Variants in LMBRD1 observed in about 807,000 individuals in gnomAD.
LMBRD1 encodes the protein lysosomal cobalamin transport escort protein LMBD1.
In LMBRD1, 64 loss-of-function variants were observed where a neutral mutation model predicts 74.8. The ratio of observed to expected loss-of-function variants is 0.86; its 90% CI spans 0.70 to 1.05. LMBRD1 has a LOEUF of 1.05. Ranked by LOEUF, LMBRD1 falls within the 50% of genes least tolerant of loss-of-function variation. LMBRD1 has a pLI of 0.00. For synonymous variants in LMBRD1, 204 were observed against 216.3 expected, an observed-to-expected ratio of 0.94 and a Z score of 0.50; for missense variants, 652 against 645.9, an observed-to-expected ratio of 1.01 and a Z score of -0.10.
At position 69,719,064 on chromosome 6, in the gene LMBRD1, C is replaced by T. The variant is rs746951251; in HGVS notation, c.654G>A (p.Ala218=). 2.2e-5 allele frequency: 36 copies of T among 1,612,818 alleles called. No individual in the cohort carries two copies. Among genetic ancestry groups the T allele is most frequent in the East Asian group, 6.7e-5 (3 of 44,822 alleles). The change falls in exon 8 of 16, where the codon GCG becomes GCA. Residue 218 remains alanine, a synonymous_variant. Transcript: ENST00000649934. ...AITYTAYGMS[A]LPLNLIKGTR... ...TGCCTTTTATCAGATTTAAAGGTAACGCAGACATGCCATAGGCCTAAAAGA... is the reference window on the plus strand; with the variant it reads ...TGCCTTTTATCAGATTTAAAGGTAATGCAGACATGCCATAGGCCTAAAAGA...
intron 7 of LMBRD1, among the ~76,000 whole-genome samples, chr6:69,731,819 T>C (rs1456621196): frequency 6.6e-6 from 1 of 151,742 alleles, no homozygotes; most frequent in Admixed American, 6.6e-5. Flanking sequence ...AAAAACCATC[T>C]GTGTCGTATA....
intron 3 of LMBRD1, among the ~76,000 whole-genome samples, chr6:69,767,188 G>A (rs1049195502): frequency 1.3e-5 from 2 of 149,946 alleles, no homozygotes; most frequent in South Asian, 4.2e-4. Flanking sequence ...TTTCTTTATT[G>A]TTTTTCTGTT....
chr6:69,774,948 T>TGGAAGGAA (rs1157907347), intron 3 of LMBRD1, among the ~76,000 whole-genome samples: 84 of 38,874 alleles, frequency 2.2e-3, no homozygotes, highest in Middle Eastern at 0.017. Context: ...TACAGTGAGA[T>TGGAAGGAA]GGAAGGAAGG....
chr6:69,762,942 T>C (rs1765402893), intron 3 of LMBRD1, among the ~76,000 whole-genome samples: 2 of 152,198 alleles, frequency 1.3e-5, no homozygotes, highest in Admixed American at 6.6e-5. Context: ...GTATGTGGTA[T>C]TTTGTTAGAG....
At chr6:69,780,751 T>C (rs997857338) in intron 2 of LMBRD1, among the ~76,000 whole-genome samples, 197 bp from the exon 3 acceptor site, 3 of 152,102 alleles carry the variant, frequency 2.0e-5, no homozygotes, top group Non-Finnish European at 2.9e-5. Flanking sequence ...AACACAGTTC[T>C]GGGAAAACAC....
chr6:69,701,415 A>G (rs1436828427), intron 11 of LMBRD1, 28 bp downstream of exon 11: 1 of 1,216,584 alleles, frequency 8.2e-7, no homozygotes, highest in Non-Finnish European at 1.2e-6. Flanking sequence ...TAGCAGCTAC[A>G]GTATAAAATG....
chr6:69,732,844 G>A (rs1039146680), intron 7 of LMBRD1, among the ~76,000 whole-genome samples: 6 of 152,024 alleles, frequency 3.9e-5, no homozygotes, highest in African/African-American at 1.4e-4. Context: ...CCACTTGGTG[G>A]CACCAAAAAA....
intron 5 of LMBRD1, among the ~76,000 whole-genome samples, chr6:69,748,447 T>TA (rs1335396035): frequency 6.6e-6 from 1 of 151,980 alleles, no homozygotes; most frequent in Admixed American, 6.6e-5. Flanking sequence ...TCAAGGCAGG[T>TA]AAAAAGAACT....
chr6:69,679,656 T>A (rs1765621122), intron 14 of LMBRD1, among the ~76,000 whole-genome samples: 1 of 152,094 alleles, frequency 6.6e-6, no homozygotes, highest in South Asian at 2.1e-4. Flanking sequence ...AATTAAAGCA[T>A]AACTAAAATG....
intron 14 of LMBRD1, among the ~76,000 whole-genome samples, chr6:69,688,523 T>C (rs938462607): frequency 1.3e-5 from 2 of 151,756 alleles, no homozygotes; most frequent in African/African-American, 4.8e-5. Flanking sequence ...GAAAAGACGG[T>C]ACAAAGACTT....
chr6:69,784,449 A>C (rs1765900974), intron 2 of LMBRD1, among the ~76,000 whole-genome samples: 1 of 152,198 alleles, frequency 6.6e-6, no homozygotes, highest in African/African-American at 2.4e-5. Flanking sequence ...GTTCTCATTC[A>C]GGAGCCATTT....
chr6:69,749,828 T>C (rs946493185), intron 4 of LMBRD1, among the ~76,000 whole-genome samples: 2 of 148,964 alleles, frequency 1.3e-5, no homozygotes, highest in African/African-American at 4.9e-5. Flanking sequence ...TGAGTATATA[T>C]TAAATATATT....
At chr6:69,734,658 A>C (rs1360071835) in intron 7 of LMBRD1, among the ~76,000 whole-genome samples, 1 of 152,162 alleles carries the variant, frequency 6.6e-6, no homozygotes, top group East Asian at 1.9e-4. Flanking sequence ...GGTCTCCGAA[A>C]GGGCTGGGAT....
At chr6:69,680,686 T>C (rs1562080868) in intron 14 of LMBRD1, among the ~76,000 whole-genome samples, 1 of 152,102 alleles carries the variant, frequency 6.6e-6, no homozygotes, top group Non-Finnish European at 1.5e-5. Context: ...AGGCTAAAAA[T>C]CCACACACAC....
At chr6:69,706,239 G>A (rs1766255603) in intron 9 of LMBRD1, 1 of 365,872 alleles carries the variant, frequency 2.7e-6, no homozygotes, top group Non-Finnish European at 5.2e-6. Flanking sequence ...AGCCGCACAG[G>A]ACAGAATCAC....
At chr6:69,785,466 G>T (rs1765925639) in intron 2 of LMBRD1, among the ~76,000 whole-genome samples, 1 of 152,140 alleles carries the variant, frequency 6.6e-6, no homozygotes, top group South Asian at 2.1e-4. Context: ...AAGGTAGCCT[G>T]TCCGAACTAT....
intron 7 of LMBRD1, among the ~76,000 whole-genome samples, chr6:69,724,640 G>A (rs1022845605): frequency 1.3e-5 from 2 of 151,126 alleles, no homozygotes; most frequent in Non-Finnish European, 3.0e-5. Flanking sequence ...TTCAATTGAT[G>A]CTGAAAAAGC....
At chr6:69,757,661 A>G (rs1039945426) in intron 3 of LMBRD1, among the ~76,000 whole-genome samples, 5 of 152,308 alleles carry the variant, frequency 3.3e-5, no homozygotes, top group Middle Eastern at 3.4e-3. Context: ...AATGGGGGAA[A>G]AAATATTGCT....
intron 14 of LMBRD1, among the ~76,000 whole-genome samples, chr6:69,679,694 C>G (rs1765621743): frequency 6.6e-6 from 1 of 152,052 alleles, no homozygotes; most frequent in East Asian, 1.9e-4. Context: ...AGAGCCCAGG[C>G]TCCGGACTCT....
Sources: gnomAD v4.1 joint callset for allele counts (sites outside exome capture counted in the v4.1 genomes callset) on GRCh38, gnomAD v4.1.1 for gene constraint, MANE v1.5 for transcripts, NCBI Gene and HGNC (gene_info 2026-07-23, HGNC 2026-07-21) for gene names.